VRK3: variants seen among roughly 807,000 people sequenced by gnomAD.
VRK3 encodes the protein serine/threonine-protein kinase VRK3.
VRK3 carries 50 observed loss-of-function variants against 60.4 expected under a neutral mutation model. The observed-to-expected ratio is 0.83, with a 90% CI of 0.66 to 1.05. The LOEUF is 1.05. Among genes scored for constraint, VRK3 ranks in the 50% least tolerant of loss-of-function variants. VRK3 has a pLI of 0.00. For missense variants in VRK3, 549 were observed against 585.3 expected, an observed-to-expected ratio of 0.94 and a Z score of 0.64; for synonymous variants, 246 against 227.8, an observed-to-expected ratio of 1.08 and a Z score of -0.72.
chr19:49,983,297 G>C, intron 12 of VRK3, among the ~76,000 whole-genome samples: 1 of 152,174 alleles, frequency 6.6e-6, no homozygotes, highest in South Asian at 2.1e-4. Flanking sequence ...TCGCTGCCTG[G>C]GTGGTCTTCC....
intron 1 of VRK3, among the ~76,000 whole-genome samples, chr19:50,024,184 C>T (rs908772769): frequency 6.6e-6 from 1 of 152,170 alleles, no homozygotes; most frequent in Non-Finnish European, 1.5e-5. Flanking sequence ...GTGATCCGCC[C>T]ACCTCGGTCT....
chr19:50,009,519 A>G (rs894063712), intron 3 of VRK3, 134 bp from the exon 4 acceptor site: 2 of 1,016,008 alleles, frequency 2.0e-6, no homozygotes, highest in Non-Finnish European at 1.4e-6. Flanking sequence ...TGCTTCTTCT[A>G]TTATGTAAAT....
intron 14 of VRK3, among the ~76,000 whole-genome samples, chr19:49,977,781 G>C (rs571035444): frequency 1.3e-5 from 2 of 152,260 alleles, no homozygotes; most frequent in Non-Finnish European, 2.9e-5. Context: ...AGAGGTGGGG[G>C]AAAGAGGGAG....
chr19:49,979,356 TC>T lies in VRK3; in HGVS notation c.1277-115del, dbSNP rs1600643734. ...TGGGGGACTGAGGGGCATGAGGGTCTCAGCAAAAGTGCCCATTTTCTTGTTG... is the reference window on the plus strand; with the variant it reads ...TGGGGGACTGAGGGGCATGAGGGTCTAGCAAAAGTGCCCATTTTCTTGTTG... On this transcript the variant is annotated intron_variant, in intron 13 of 14. Coordinates refer to ENST00000316763, the MANE Select transcript of VRK3 (RefSeq NM_016440.4). The T allele has an allele frequency of 6.3e-6, 9 of 1,438,710 alleles. No homozygotes were observed. In the East Asian group the frequency reaches 1.2e-4, roughly 19 times the overall value. 89.1% of individuals were successfully genotyped at this position (1,438,710 alleles called of 1,614,324 possible).
chr19:50,009,348 A>T lies in VRK3; in HGVS notation c.177T>A (p.Ser59=). Reference sequence around the variant, plus strand: ...TGCTGGACCATTTCACTTTCTTAGGAGAGGTTTCAAAACTGGAGTTCAGCC... The same window carrying T: ...TGCTGGACCATTTCACTTTCTTAGGTGAGGTTTCAAAACTGGAGTTCAGCC... ...KRGLNSSFET[S]PKKVKWSSTV... The change falls in exon 4 of 15, where the codon TCT becomes TCA. Residue 59 remains serine, a synonymous_variant. Transcript: ENST00000316763. 1 of 1,613,902 alleles carries T rather than the reference A, an allele frequency of 6.2e-7. No homozygotes were observed. The highest frequency in any genetic ancestry group is 8.5e-7 in the Non-Finnish European group (1 of 1,179,958).
chr19:49,999,728 C>G (rs992516437), intron 6 of VRK3: 2 of 152,152 alleles, frequency 1.3e-5, no homozygotes, highest in African/African-American at 4.8e-5. Context: ...GGGGCCAACT[C>G]ATCATCACCA....
chr19:50,021,837 C>G (rs889142838), intron 1 of VRK3, among the ~76,000 whole-genome samples: 2 of 152,256 alleles, frequency 1.3e-5, no homozygotes, highest in African/African-American at 4.8e-5. Context: ...GTGCAGACCA[C>G]TGTGCTAAGT....
chr19:49,981,850 A>G, intron 12 of VRK3: 1 of 1,195,004 alleles, frequency 8.4e-7, no homozygotes, highest in Non-Finnish European at 1.1e-6. Context: ...GTGAGGGGCC[A>G]ATGGGCGGTA....
At chr19:49,983,400 G>C (rs1041993770) in intron 12 of VRK3, among the ~76,000 whole-genome samples, 2 of 152,312 alleles carry the variant, frequency 1.3e-5, no homozygotes, top group Admixed American at 1.3e-4. Flanking sequence ...CCCTCCAGGC[G>C]GAGGAACTCT....
chr19:49,982,136 T>C (rs1411457759), intron 12 of VRK3: 1 of 703,014 alleles, frequency 1.4e-6, no homozygotes, highest in Non-Finnish European at 2.6e-6. Flanking sequence ...TGACCGAGCC[T>C]TGTTTCTGGC....
At chr19:49,999,030 G>A (rs1163528231) in intron 6 of VRK3, 3 of 150,292 alleles carry the variant, frequency 2.0e-5, no homozygotes, top group Non-Finnish European at 4.4e-5. Context: ...GGCTAAAGTG[G>A]AAGGATCACT....
intron 5 of VRK3, among the ~76,000 whole-genome samples, chr19:50,003,257 C>G (rs2076838671): frequency 6.6e-6 from 1 of 152,190 alleles, no homozygotes; most frequent in Non-Finnish European, 1.5e-5. Flanking sequence ...GCAGAGCCAA[C>G]ACCTAAACTT....
chr19:50,015,937 G>T, intron 3 of VRK3, 87 bp downstream of exon 3: 1 of 1,570,980 alleles, frequency 6.4e-7, no homozygotes, highest in Non-Finnish European at 8.7e-7. Context: ...GGTCAGACAG[G>T]CTGCAAAGGC....
At chr19:50,005,894 A>G (rs1271368983) in intron 5 of VRK3, among the ~76,000 whole-genome samples, 2 of 149,556 alleles carry the variant, frequency 1.3e-5, no homozygotes, top group East Asian at 3.8e-4. Context: ...GCTCAGAACT[A>G]CTGGGTTTCT....
rs570823511 is a variant in VRK3, at chr19:50,007,957, T to C, written c.290-131A>G. 1.4e-5 allele frequency: 19 copies of C among 1,324,210 alleles called. No homozygotes were observed. In the East Asian group the frequency reaches 4.7e-4, roughly 33 times the overall value. The allele number at this position is 1,324,210 out of a possible 1,614,324, so 82.0% of individuals were successfully genotyped here. ...TCAACAAACATTTCCTGGGACCTTC[T>C]ATGAGTCAGGCCTTTGTGTGATGAT... On this transcript the variant is annotated intron_variant, in intron 4 of 14. Transcript: ENST00000316763.
chr19:50,010,641 G>C (rs986308701), intron 3 of VRK3, among the ~76,000 whole-genome samples: 3 of 152,222 alleles, frequency 2.0e-5, no homozygotes, highest in African/African-American at 7.2e-5. Flanking sequence ...GGCTGGGCGT[G>C]GTGGCTCATG....
chr19:50,012,794 G>C (rs2077015991), intron 3 of VRK3, among the ~76,000 whole-genome samples: 1 of 152,090 alleles, frequency 6.6e-6, no homozygotes, highest in South Asian at 2.1e-4. Context: ...AAAATCGCTT[G>C]AACCTGGGAG....
Position 50,007,650 on chromosome 19 carries a change from T to C in VRK3, c.466A>G (p.Thr156Ala). The change falls in exon 5 of 15, where the codon ACA (threonine) becomes GCA (alanine). Residue 156 changes from threonine (T) to alanine (A), a missense_variant. By Grantham distance (58) the Thr-to-Ala change is moderately conservative (BLOSUM62 0). Transcript: ENST00000316763. Reference sequence around the variant, plus strand: ...CGCCCACTCTTGTCTGTCAGCACTGTCCCTGTGGGCAAAGCTTCAAGTGAG... The same window carrying C: ...CGCCCACTCTTGTCTGTCAGCACTGCCCCTGTGGGCAAAGCTTCAAGTGAG... ...TTSLEALPTGTVLTDKSGRQW... is the reference protein window; with the variant it reads ...TTSLEALPTGAVLTDKSGRQW... 1.2e-6 allele frequency: 2 copies of C among 1,614,192 alleles called. No homozygotes were observed. The highest frequency in any genetic ancestry group is 1.7e-5 in the Admixed American group (1 of 60,018).
At chr19:49,980,126 A>G (rs1299746376) in intron 13 of VRK3, among the ~76,000 whole-genome samples, 1 of 152,202 alleles carries the variant, frequency 6.6e-6, no homozygotes, top group Non-Finnish European at 1.5e-5. Context: ...GGAACAAGCT[A>G]TCTGTTTCTG....
Sources: gnomAD v4.1 joint callset for allele counts (sites outside exome capture counted in the v4.1 genomes callset) on GRCh38, gnomAD v4.1.1 for gene constraint, MANE v1.5 for transcripts, NCBI Gene and HGNC (gene_info 2026-07-23, HGNC 2026-07-21) for gene names.